The following PCDH17 variants were observed in gnomAD, a reference collection of about 807,000 sequenced individuals.
The protein encoded by PCDH17 is protocadherin-17.
A neutral mutation model predicts 67.7 loss-of-function variants in PCDH17; 21 were observed. The ratio of observed to expected loss-of-function variants is 0.31; its 90% CI spans 0.22 to 0.45. PCDH17 has a LOEUF of 0.45. Among genes scored for constraint, PCDH17 ranks in the 20% least tolerant of loss-of-function variants. The pLI is 1.00. For synonymous variants in PCDH17, 701 were observed against 656.7 expected, an observed-to-expected ratio of 1.07 and a Z score of -1.03; for missense variants, 1,471 against 1,564.8, an observed-to-expected ratio of 0.94 and a Z score of 1.01.
intron 3 of PCDH17, among the ~76,000 whole-genome samples, chr13:57,693,074 GTTATAGT>G (rs1955573615): frequency 6.6e-6 from 1 of 150,390 alleles, no homozygotes; most frequent in African/African-American, 2.4e-5. Context: ...TGGATAGGAG[GTTATAGT>G]TTTTGTACTT....
Position 57,713,484 on chromosome 13 carries a change from G to T in PCDH17, c.2798-11128G>T, listed in dbSNP as rs147410410. On this transcript the variant is annotated intron_variant, in intron 3 of 3. Coordinates refer to ENST00000377918, the MANE Select transcript of PCDH17 (RefSeq NM_001040429.3). Reference sequence around the variant, plus strand: ...TATCATTGCTTTCCTACCCTTTATAGGTATTTTTGACTATTTAAAATAATA... The same window carrying T: ...TATCATTGCTTTCCTACCCTTTATATGTATTTTTGACTATTTAAAATAATA... 5.9e-4 allele frequency among the ~76,000 whole-genome samples: 90 copies of T among 151,514 alleles called. No homozygotes were observed. In the East Asian group the frequency reaches 0.016, roughly 27 times the overall value.
intron 3 of PCDH17, among the ~76,000 whole-genome samples, chr13:57,720,495 A>G (rs9597595): frequency 0.07 from 10,629 of 151,990 alleles, 1,275 homozygotes; most frequent in African/African-American, 0.24. Flanking sequence ...ATTTACAATA[A>G]TAAAATATTG....
intron 3 of PCDH17, among the ~76,000 whole-genome samples, chr13:57,701,079 T>C (rs1283219162): frequency 6.6e-6 from 1 of 152,122 alleles, no homozygotes; most frequent in Non-Finnish European, 1.5e-5. Flanking sequence ...ATAAGCAATG[T>C]GTAAATAATA....
chr13:57,645,998 T>C (rs1475167608), intron 1 of PCDH17, among the ~76,000 whole-genome samples: 1 of 151,626 alleles, frequency 6.6e-6, no homozygotes, highest in African/African-American at 2.4e-5. Context: ...ATGATAATTT[T>C]AATGAAATGA....
chr13:57,728,044 C>T lies in PCDH17; in HGVS notation c.*2750C>T, dbSNP rs1174672435. 2.0e-5 allele frequency: 3 copies of T among 152,580 alleles called. No homozygotes were observed. The highest frequency in any genetic ancestry group is 7.2e-5 in the African/African-American group (3 of 41,450). 9.5% of individuals were successfully genotyped at this position (152,580 alleles called of 1,614,324 possible). ...TAGGCTCTCTGTCACCAGTGATTTA[C>T]TAGTGTTAGCTGTTTAACACATTAT... is the stretch of plus-strand genomic sequence containing the variant. On this transcript the variant is annotated 3_prime_UTR_variant, in exon 4 of 4. Transcript: ENST00000377918.
chr13:57,723,907 C>T (rs550797398), intron 3 of PCDH17, among the ~76,000 whole-genome samples: 2 of 152,220 alleles, frequency 1.3e-5, no homozygotes, highest in African/African-American at 4.8e-5. Flanking sequence ...TTCATTCTGA[C>T]CTGTATCTGT....
chr13:57,702,128 G>T (rs2097942917), intron 3 of PCDH17, among the ~76,000 whole-genome samples: 1 of 152,018 alleles, frequency 6.6e-6, no homozygotes, highest in African/African-American at 2.4e-5. Context: ...ATGTTGGCCA[G>T]GATGGTCTCG....
intron 1 of PCDH17, among the ~76,000 whole-genome samples, chr13:57,656,161 T>G (rs1408061257): frequency 6.6e-6 from 1 of 152,162 alleles, no homozygotes; most frequent in Non-Finnish European, 1.5e-5. Context: ...ACAGTAATAC[T>G]GTTTTGTAGA....
chr13:57,718,169 G>C (rs540631338), intron 3 of PCDH17, among the ~76,000 whole-genome samples: 1 of 152,108 alleles, frequency 6.6e-6, no homozygotes, highest in Non-Finnish European at 1.5e-5. Flanking sequence ...AGCTAAGCAA[G>C]GGATGGATTC....
chr13:57,711,190 C>T (rs754692380), intron 3 of PCDH17, among the ~76,000 whole-genome samples: 10 of 151,690 alleles, frequency 6.6e-5, no homozygotes, highest in Admixed American at 3.3e-4. Context: ...TTCATGTGTT[C>T]CTCAATATAT....
intron 1 of PCDH17, among the ~76,000 whole-genome samples, chr13:57,664,349 G>A (rs1955223588): frequency 6.6e-6 from 1 of 152,088 alleles, no homozygotes; most frequent in African/African-American, 2.4e-5. Context: ...AAATACATGT[G>A]TGTGTACATA....
At chr13:57,705,168 G>A (rs1372402026) in intron 3 of PCDH17, among the ~76,000 whole-genome samples, 2 of 151,860 alleles carry the variant, frequency 1.3e-5, no homozygotes, top group Non-Finnish European at 2.9e-5. Context: ...GTACTAAATT[G>A]AGAAATGCCT....
intron 3 of PCDH17, among the ~76,000 whole-genome samples, chr13:57,722,869 A>C (rs1433177319): frequency 2.0e-5 from 3 of 152,228 alleles, no homozygotes; most frequent in African/African-American, 7.2e-5. Flanking sequence ...TCAGACTCCC[A>C]AAGTGCTGGG....
Position 57,634,380 on chromosome 13 carries a change from G to C in PCDH17, c.1834G>C (p.Ala612Pro). The C allele has an allele frequency of 6.2e-7, 1 of 1,612,380 alleles. No individual in the cohort carries two copies. The highest frequency in any genetic ancestry group is 1.1e-5 in the South Asian group (1 of 91,076). ...GLGYLVSTVR[A>P]LDSDFGESGR... Reference sequence around the variant, plus strand: ...GGGCTATCTGGTGAGCACTGTGCGCGCCCTAGACAGCGACTTCGGCGAGAG... The same window carrying C: ...GGGCTATCTGGTGAGCACTGTGCGCCCCCTAGACAGCGACTTCGGCGAGAG... The change falls in exon 1 of 4, where the codon GCC becomes CCC. Residue 612 changes from alanine to proline, a missense_variant. Physicochemically the swap from Ala to Pro is conservative, Grantham distance 27. This residue lies in a region of PCDH17 where 1,163 missense variants were observed against 1,230.0 expected (regional missense o/e 0.95). Coordinates refer to ENST00000377918, the MANE Select transcript of PCDH17 (RefSeq NM_001040429.3). The surrounding 1 kb of genome is among the most constrained non-coding windows in gnomAD (Gnocchi z 7.8).
At chr13:57,717,601 A>G (rs1037020688) in intron 3 of PCDH17, among the ~76,000 whole-genome samples, 2 of 152,104 alleles carry the variant, frequency 1.3e-5, no homozygotes, top group East Asian at 1.9e-4. Context: ...GATATAGGAC[A>G]GTGATTTCTG....
At chr13:57,645,687 A>C (rs1954956783) in intron 1 of PCDH17, among the ~76,000 whole-genome samples, 1 of 150,924 alleles carries the variant, frequency 6.6e-6, no homozygotes, top group African/African-American at 2.4e-5. Flanking sequence ...TATTATATAT[A>C]ATTGTATATG....
intron 3 of PCDH17, among the ~76,000 whole-genome samples, chr13:57,710,348 A>G (rs571310589): frequency 2.0e-5 from 3 of 151,952 alleles, no homozygotes; most frequent in Admixed American, 6.6e-5. Flanking sequence ...AAACCTTTAC[A>G]TAGCAGCCCC....
chr13:57,683,595 A>G (rs996143063), intron 3 of PCDH17, among the ~76,000 whole-genome samples: 1 of 151,878 alleles, frequency 6.6e-6, no homozygotes, highest in Non-Finnish European at 1.5e-5. Context: ...CTTCAGGAAA[A>G]TAGTGAATCA....
At chr13:57,697,069 G>T (rs1021103843) in intron 3 of PCDH17, among the ~76,000 whole-genome samples, 1 of 151,508 alleles carries the variant, frequency 6.6e-6, no homozygotes, top group Non-Finnish European at 1.5e-5. Flanking sequence ...TTAAGGTAGG[G>T]AGTCCATCCT....
Sources: allele counts gnomAD v4.1 joint callset (sites outside exome capture counted in the v4.1 genomes callset), GRCh38; gene constraint gnomAD v4.1.1; regional missense constraint gnomAD v4.1.1; non-coding constraint Gnocchi (gnomAD v3.1); transcripts MANE v1.5; gene names NCBI Gene and HGNC (gene_info 2026-07-23, HGNC 2026-07-21).